SPPL2A: variants seen among roughly 807,000 people sequenced by gnomAD.
SPPL2A encodes the protein signal peptide peptidase like 2A, also known as signal peptide peptidase-like 2A.
A neutral mutation model predicts 63.8 loss-of-function variants in SPPL2A; 51 were observed. The ratio of observed to expected loss-of-function variants is 0.80; its 90% confidence interval spans 0.64 to 1.01. The LOEUF (loss-of-function observed/expected upper bound fraction) is 1.01. Ranked by LOEUF, SPPL2A falls within the 50% of genes least tolerant of loss-of-function variation. The pLI, the probability that SPPL2A is intolerant of heterozygous loss-of-function variation, is 0.00. For missense variants in SPPL2A, 553 were observed against 622.7 expected (o/e 0.89, Z 1.19); for synonymous variants, 188 against 205.8 (o/e 0.91, Z 0.74).
chr15:50,725,622 G>C, intron 11 of SPPL2A: 1 of 226,014 alleles, frequency 4.4e-6, no homozygotes, highest in Non-Finnish European at 8.8e-6. Flanking sequence ...GTAGAGACAG[G>C]GTTTCACCAT....
At chr15:50,741,360 A>T (rs10152230) in intron 5 of SPPL2A, among the ~76,000 whole-genome samples, 53,452 of 138,488 alleles carry the variant, frequency 0.39, 9,939 homozygotes, top group East Asian at 0.57. Context: ...TTTTAAAAAT[A>T]AAAAAAAAAA....
intron 1 of SPPL2A, among the ~76,000 whole-genome samples, chr15:50,762,001 C>T (rs2063015812): frequency 6.6e-6 from 1 of 151,872 alleles, no homozygotes; most frequent in East Asian, 1.9e-4. Flanking sequence ...ATGACTGCGT[C>T]CACACTGAGA....
intron 1 of SPPL2A, among the ~76,000 whole-genome samples, chr15:50,763,326 G>T (rs376785783): frequency 5.9e-5 from 9 of 152,094 alleles, no homozygotes; most frequent in African/African-American, 2.2e-4. Flanking sequence ...GAAATTAAAG[G>T]AAGGAGGAAC....
chr15:50,765,641 C>G lies in SPPL2A; in HGVS notation c.-108G>C. ...GCCTCCGTGGCCGGACCGGACCGGACAGGCGCGGGCGGCCGGGCTACGACT... is the reference window on the plus strand; with the variant it reads ...GCCTCCGTGGCCGGACCGGACCGGAGAGGCGCGGGCGGCCGGGCTACGACT... On this transcript the variant is annotated 5_prime_UTR_variant, in exon 1 of 15. Transcript: ENST00000261854. The G allele has an allele frequency of 1.4e-6, 1 of 728,642 alleles. No homozygotes were observed. The highest frequency in any genetic ancestry group is 3.6e-5 in the South Asian group (1 of 27,614). 45.1% of individuals were successfully genotyped at this position (728,642 alleles called of 1,614,324 possible). A position where few individuals can be genotyped will look rare whatever the true frequency, so the allele number is the denominator to read the frequency against.
chr15:50,731,038 G>C lies in SPPL2A; in HGVS notation c.1016C>G (p.Ser339Ter). 3 of 1,430,864 alleles carry C rather than the reference G, an allele frequency of 2.1e-6. No homozygotes were observed. Among genetic ancestry groups the C allele is most frequent in the Non-Finnish European group, 2.9e-6 (3 of 1,022,622 alleles). The allele number at this position is 1,430,864 out of a possible 1,614,324, so 88.6% of individuals were successfully genotyped here. A position where few individuals can be genotyped will look rare whatever the true frequency, so the allele number is the denominator to read the frequency against. The change falls in exon 10 of 15, where the codon TCA (serine) becomes TGA (stop). Residue 339 changes from serine (S) to a stop codon, truncating the protein, a stop_gained and splice_region_variant. Transcript: ENST00000261854. LOFTEE classifies it high-confidence loss of function. ...GAGAAGGCCTAGAAGTATCACACAT[G>C]ACTGTCAAAGAAAGAAACAAAATTA... ...IKTLKLPNFK[S>*]CVILLGLLLL...
rs746783460 is a variant in SPPL2A at position 50,748,221 on chromosome 15, T to A, written c.361-19A>T. The A allele has an allele frequency of 1.4e-5, 15 of 1,037,802 alleles. No individual in the cohort carries two copies. The highest frequency in any genetic ancestry group is 1.9e-5 in the Non-Finnish European group (14 of 730,390). 64.3% of individuals were successfully genotyped at this position (1,037,802 alleles called of 1,614,324 possible). Reference sequence around the variant, plus strand: ...GAGGAAACTAAAAAAGAAAAAATTATGAAAACTTATTTACTACTAATATAT... The same window carrying A: ...GAGGAAACTAAAAAAGAAAAAATTAAGAAAACTTATTTACTACTAATATAT... On this transcript the variant is annotated intron_variant, in intron 3 of 14. Transcript: ENST00000261854.
intron 5 of SPPL2A, among the ~76,000 whole-genome samples, chr15:50,745,220 G>A (rs758147690): frequency 6.6e-6 from 1 of 152,042 alleles, no homozygotes; most frequent in Admixed American, 6.6e-5. Context: ...GGATGATCTC[G>A]GCTCACTGCA....
At chr15:50,762,722 C>A (rs1003320221) in intron 1 of SPPL2A, among the ~76,000 whole-genome samples, 3 of 147,364 alleles carry the variant, frequency 2.0e-5, no homozygotes, top group Non-Finnish European at 4.5e-5. Context: ...GTGCCAGTTT[C>A]TTTTTTTCTT....
Position 50,707,497 on chromosome 15 carries a change from T to C in SPPL2A, c.*303A>G, listed in dbSNP as rs146447205. ...TACCATCAGAGCTGAAAGAAACAGA[T>C]TTCGTTAAAAAAAAGTATAGGGGTG... On this transcript the variant is annotated 3_prime_UTR_variant, in exon 15 of 15. Transcript: ENST00000261854. 91 of 232,934 alleles carry C rather than the reference T, an allele frequency of 3.9e-4. No individual in the cohort carries two copies. Among genetic ancestry groups the C allele is most frequent in the African/African-American group, 2.0e-3 (89 of 44,386 alleles). 14.4% of individuals were successfully genotyped at this position (232,934 alleles called of 1,614,324 possible).
chr15:50,736,650 T>C lies in SPPL2A; in HGVS notation c.824A>G (p.Gln275Arg), dbSNP rs2062773343. Residue 275 changes from glutamine (Q) to arginine (R), a missense_variant, in exon 7 of 15, where the codon CAA becomes CGA. Coordinates refer to ENST00000261854, the MANE Select transcript of SPPL2A (RefSeq NM_032802.4). ...AALIHKIPYG[Q>R]CTIACRGKNM... ...TCCTGTAAGAGATACGTACGTGCATTGTCCATATGGTATCTTATGAATTAG... is the reference window on the plus strand; with the variant it reads ...TCCTGTAAGAGATACGTACGTGCATCGTCCATATGGTATCTTATGAATTAG... 2 of 1,549,188 alleles carry C rather than the reference T, an allele frequency of 1.3e-6. No individual in the cohort carries two copies. Among genetic ancestry groups the C allele is most frequent in the East Asian group, 2.3e-5 (1 of 44,428 alleles).
intron 12 of SPPL2A, 51 bp downstream of exon 12, chr15:50,725,170 T>A: frequency 9.1e-7 from 1 of 1,094,390 alleles, no homozygotes; most frequent in South Asian, 1.3e-5. Context: ...ATATGACGAT[T>A]TAAAATCATC....
intron 3 of SPPL2A, 134 bp downstream of exon 3, chr15:50,748,550 ATTAT>A: frequency 1.6e-6 from 1 of 625,924 alleles, no homozygotes; most frequent in Non-Finnish European, 2.7e-6. Context: ...TTAGATCTTG[ATTAT>A]TTATTTACAA....
At chr15:50,735,538 TATAC>T (rs932503296) in intron 8 of SPPL2A, among the ~76,000 whole-genome samples, 161 of 119,974 alleles carry the variant, frequency 1.3e-3, no homozygotes, top group African/African-American at 4.8e-3. Context: ...CACACACATA[TATAC>T]ATACACACAC....
intron 14 of SPPL2A, among the ~76,000 whole-genome samples, chr15:50,718,836 G>A (rs1304822616): frequency 6.6e-6 from 1 of 152,136 alleles, no homozygotes; most frequent in African/African-American, 2.4e-5. Context: ...TCTACTATCA[G>A]AGTTTCAGCC....
chr15:50,725,915 T>C (rs896673277), intron 11 of SPPL2A: 8 of 322,586 alleles, frequency 2.5e-5, no homozygotes, highest in Non-Finnish European at 4.2e-5. Flanking sequence ...CTTTTTTTTT[T>C]CTCTTTACCA....
At chr15:50,731,596 G>C (rs993133857) in intron 9 of SPPL2A, among the ~76,000 whole-genome samples, 1 of 151,542 alleles carries the variant, frequency 6.6e-6, no homozygotes, top group Admixed American at 6.6e-5. Context: ...TCATGTTAAA[G>C]ATTTTATGAA....
chr15:50,710,476 A>G (rs866178237), intron 14 of SPPL2A, among the ~76,000 whole-genome samples: 17 of 152,344 alleles, frequency 1.1e-4, no homozygotes, highest in Middle Eastern at 3.4e-3. Flanking sequence ...AACAATACAG[A>G]AACATAAAGA....
intron 8 of SPPL2A, among the ~76,000 whole-genome samples, chr15:50,734,429 A>G (rs183509032): frequency 6.6e-6 from 1 of 152,326 alleles, no homozygotes; most frequent in Non-Finnish European, 1.5e-5. Context: ...CAAATATTGC[A>G]TGTTCTCACT....
chr15:50,736,032 A>T, intron 8 of SPPL2A, 69 bp downstream of exon 8: 1 of 989,064 alleles, frequency 1.0e-6, no homozygotes, highest in Non-Finnish European at 1.6e-6. Flanking sequence ...AATAATCATA[A>T]TAAGTATCAG....
Sources: gnomAD v4.1 joint callset for allele counts (sites outside exome capture counted in the v4.1 genomes callset) on GRCh38, gnomAD v4.1.1 for gene constraint, MANE v1.5 for transcripts, NCBI Gene and HGNC (gene_info 2026-07-23, HGNC 2026-07-21) for gene names.